Variants in SENP5 observed in about 807,000 individuals in gnomAD.
SENP5 encodes sentrin-specific protease 5.
SENP5 carries 21 observed loss-of-function variants against 74.2 expected under a neutral mutation model. The observed-to-expected ratio is 0.28, with a 90% CI of 0.20 to 0.41. SENP5 has a LOEUF of 0.41. SENP5 is among the 10% of genes least tolerant of loss of function. SENP5 has a pLI of 1.00. For synonymous variants in SENP5, 311 were observed against 312.7 expected, an observed-to-expected ratio of 0.99 and a Z score of 0.06; for missense variants, 717 against 889.1, an observed-to-expected ratio of 0.81 and a Z score of 2.46.
At position 196,911,957 on chromosome 3, in the gene SENP5, A is replaced by G. The variant is rs140599888; in HGVS notation, c.1884+8347A>G. ...GAAGCTGGCAAGGCTGTGGAGACATAGGAATGCTTTTACACTGTTGGTGGG... is the reference window on the plus strand; with the variant it reads ...GAAGCTGGCAAGGCTGTGGAGACATGGGAATGCTTTTACACTGTTGGTGGG... On this transcript the variant is annotated intron_variant, in intron 6 of 9. Coordinates refer to ENST00000323460, the MANE Select transcript of SENP5 (RefSeq NM_152699.5). Among the ~76,000 whole-genome samples the G allele has an allele frequency of 1.2e-3, 189 of 152,366 alleles. 6 individuals carry two copies. In the East Asian group the frequency reaches 0.03, roughly 25 times the overall value.
rs1560150309 is a variant in SENP5, at chr3:196,899,917, C to T, written c.1620-7C>T. 1 of 1,611,542 alleles carries T rather than the reference C, an allele frequency of 6.2e-7. No individual in the cohort carries two copies. Among genetic ancestry groups the T allele is most frequent in the Non-Finnish European group, 8.5e-7 (1 of 1,179,230 alleles). ...TTACCTTTTGTTTCAAAATCTTTCT[C>T]TTTCAGAAAACCATTTATCAATAGG... On this transcript the variant is annotated splice_polypyrimidine_tract_variant and splice_region_variant and intron_variant, in intron 3 of 9. Transcript: ENST00000323460.
chr3:196,876,596 G>A (rs1713482071), intron 1 of SENP5, among the ~76,000 whole-genome samples: 1 of 150,794 alleles, frequency 6.6e-6, no homozygotes, highest in African/African-American at 2.4e-5. Context: ...ACACAAATTG[G>A]AAGACAAAGT....
At chr3:196,879,734 A>G (rs1289340620) in intron 1 of SENP5, among the ~76,000 whole-genome samples, 2 of 152,140 alleles carry the variant, frequency 1.3e-5, no homozygotes, top group African/African-American at 4.8e-5. Context: ...AAATATTTTG[A>G]TAACTTACAT....
intron 6 of SENP5, chr3:196,913,336 G>A (rs543265537): frequency 2.6e-5 from 4 of 152,116 alleles, no homozygotes; most frequent in South Asian, 2.1e-4. Flanking sequence ...TTGGGAGCCC[G>A]AGGCAGGTGA....
At chr3:196,888,613 C>G (rs1013917431) in intron 2 of SENP5, among the ~76,000 whole-genome samples, 1 of 150,406 alleles carries the variant, frequency 6.6e-6, no homozygotes, top group Admixed American at 6.6e-5. Context: ...AAAGTGAAAA[C>G]AGTAAGTTGC....
intron 2 of SENP5, among the ~76,000 whole-genome samples, chr3:196,897,273 A>T (rs545940821): frequency 6.6e-6 from 1 of 152,194 alleles, no homozygotes; most frequent in African/African-American, 2.4e-5. Flanking sequence ...CCATTCCCCC[A>T]TGTAGACACA....
In SENP5 at chr3:196,885,959, C is replaced by A; in HGVS notation, c.778C>A (p.Leu260Ile). 4 of 1,614,204 alleles carry A rather than the reference C, an allele frequency of 2.5e-6. No individual in the cohort carries two copies. The Admixed American group carries it at 6.7e-5, about 27-fold the overall frequency. ...HFRTKSKVCKLRKAQRSWVQK... is the reference protein window; with the variant it reads ...HFRTKSKVCKIRKAQRSWVQK... ...CAGAACCAAAAGCAAGGTTTGCAAGCTAAGAAAAGCCCAGCGAAGCTGGGT... is the reference window on the plus strand; with the variant it reads ...CAGAACCAAAAGCAAGGTTTGCAAGATAAGAAAAGCCCAGCGAAGCTGGGT... Residue 260 changes from leucine (L) to isoleucine (I), a missense_variant, in exon 2 of 10, where the codon CTA becomes ATA. Leu to Ile is a conservative substitution (Grantham distance 5). Coordinates refer to ENST00000323460, the MANE Select transcript of SENP5 (RefSeq NM_152699.5).
At chr3:196,878,773 G>A (rs1176928649) in intron 1 of SENP5, among the ~76,000 whole-genome samples, 1 of 151,976 alleles carries the variant, frequency 6.6e-6, no homozygotes, top group East Asian at 1.9e-4. Flanking sequence ...TGTATTTTTA[G>A]TAGAGACAAG....
At chr3:196,898,008 C>CAA (rs139806461) in intron 2 of SENP5, among the ~76,000 whole-genome samples, 8 of 138,946 alleles carry the variant, frequency 5.8e-5, no homozygotes, top group African/African-American at 1.6e-4. Context: ...CCCGTCTCTA[C>CAA]AAAAAAAAAA....
In SENP5 at chr3:196,885,876, T is replaced by G; in HGVS notation, c.695T>G (p.Met232Arg). The G allele has an allele frequency of 6.2e-7, 1 of 1,613,760 alleles. No homozygotes were observed. Among genetic ancestry groups the G allele is most frequent in the Non-Finnish European group, 8.5e-7 (1 of 1,179,958 alleles). ...AGGATAAAATTATCTCCTCTTATGA[T>G]GTATGAGAAATTATCCATGATTAGA... is the stretch of plus-strand genomic sequence containing the variant. Reference protein sequence around the residue: ...HRRIKLSPLMMYEKLSMIRFR... With the variant: ...HRRIKLSPLMRYEKLSMIRFR... Residue 232 changes from methionine (M) to arginine (R), a missense_variant, in exon 2 of 10, where the codon ATG (methionine) becomes AGG (arginine). Met to Arg is a moderately conservative substitution (Grantham distance 91). Coordinates refer to ENST00000323460, the MANE Select transcript of SENP5 (RefSeq NM_152699.5).
At chr3:196,871,920 T>C (rs1405415113) in intron 1 of SENP5, among the ~76,000 whole-genome samples, 1 of 151,842 alleles carries the variant, frequency 6.6e-6, no homozygotes, top group Non-Finnish European at 1.5e-5. Context: ...TTAAAGCATA[T>C]GTACACAAAA....
intron 6 of SENP5, chr3:196,913,217 T>A (rs1162048516): frequency 6.6e-6 from 1 of 152,150 alleles, no homozygotes; most frequent in South Asian, 2.1e-4. Context: ...ATGTTTATGC[T>A]CCTTAAGAGA....
At chr3:196,913,211 T>A (rs975009445) in intron 6 of SENP5, 1 of 152,202 alleles carries the variant, frequency 6.6e-6, no homozygotes, top group Non-Finnish European at 1.5e-5. Context: ...TAATAGATGT[T>A]TATGCTCCTT....
At chr3:196,872,056 A>G (rs1713240326) in intron 1 of SENP5, among the ~76,000 whole-genome samples, 1 of 152,096 alleles carries the variant, frequency 6.6e-6, no homozygotes, top group Non-Finnish European at 1.5e-5. Flanking sequence ...GGCCGATATA[A>G]CTTTTTCGTA....
chr3:196,885,603 C>G lies in SENP5; in HGVS notation c.422C>G (p.Thr141Ser). 6.2e-7 allele frequency: 1 copy of G among 1,614,192 alleles called. No homozygotes were observed. Among genetic ancestry groups the G allele is most frequent in the African/African-American group, 1.3e-5 (1 of 75,066 alleles). ...GAGAAAAATCTCTTGAAGGCAGTTA[C>G]TGACTTTCCATCAAATAGTGCTTTA... ...CREKNLLKAV[T>S]DFPSNSALGQ... The change falls in exon 2 of 10, where the codon ACT (threonine) becomes AGT (serine). Residue 141 changes from threonine to serine, a missense_variant. Physicochemically the swap from Thr to Ser is moderately conservative, Grantham distance 58. Around this residue, in one of 4 missense-constraint regions of SENP5, gnomAD observed 567 missense variants for 577.4 expected, o/e 0.98. Coordinates refer to ENST00000323460, the MANE Select transcript of SENP5 (RefSeq NM_152699.5).
intron 7 of SENP5, among the ~76,000 whole-genome samples, chr3:196,925,302 G>GA (rs370345870): frequency 6.6e-6 from 1 of 151,574 alleles, no homozygotes; most frequent in African/African-American, 2.4e-5. Context: ...AGAAATCCAG[G>GA]AAAAAAAATA....
At chr3:196,919,310 G>A (rs1715517403) in intron 6 of SENP5, among the ~76,000 whole-genome samples, 1 of 152,178 alleles carries the variant, frequency 6.6e-6, no homozygotes, top group Non-Finnish European at 1.5e-5. Context: ...GTGAAGCCCT[G>A]TCTCCACTAA....
chr3:196,884,846 G>C (rs1476030572), intron 1 of SENP5, among the ~76,000 whole-genome samples: 3 of 152,026 alleles, frequency 2.0e-5, no homozygotes, highest in Admixed American at 6.6e-5. Context: ...TTGCACCTTG[G>C]CTTCCCAGAG....
intron 1 of SENP5, among the ~76,000 whole-genome samples, chr3:196,878,921 A>G (rs1713599397): frequency 6.6e-6 from 1 of 152,102 alleles, no homozygotes; most frequent in African/African-American, 2.4e-5. Context: ...GTAACTTGTG[A>G]TTACTTAGTT....
Sources: allele counts gnomAD v4.1 joint callset (sites outside exome capture counted in the v4.1 genomes callset), GRCh38; gene constraint gnomAD v4.1.1; regional missense constraint gnomAD v4.1.1; transcripts MANE v1.5; gene names NCBI Gene and HGNC (gene_info 2026-07-23, HGNC 2026-07-21).